HS6ST3: variants seen among roughly 807,000 people sequenced by gnomAD.
HS6ST3 encodes heparan sulfate 6-O-sulfotransferase 3.
A neutral mutation model predicts 36.7 loss-of-function variants in HS6ST3; 12 were observed. The observed-to-expected ratio is 0.33, with a 90% CI of 0.21 to 0.53. The LOEUF is 0.53. HS6ST3 is among the 20% of genes least tolerant of loss of function. The pLI is 0.95. For synonymous variants in HS6ST3, 240 were observed against 257.5 expected, an observed-to-expected ratio of 0.93 and a Z score of 0.65; for missense variants, 584 against 640.9, an observed-to-expected ratio of 0.91 and a Z score of 0.96.
chr13:96,310,272 G>A (rs1441347527), intron 1 of HS6ST3, among the ~76,000 whole-genome samples: 1 of 152,068 alleles, frequency 6.6e-6, no homozygotes, highest in Non-Finnish European at 1.5e-5. Context: ...ATCAAACAGA[G>A]AGCAATCTGC....
chr13:96,152,705 A>G (rs1018631246), intron 1 of HS6ST3, among the ~76,000 whole-genome samples: 2 of 151,764 alleles, frequency 1.3e-5, no homozygotes, highest in African/African-American at 4.8e-5. Flanking sequence ...CAATCCATTC[A>G]ATTTCTAAGG....
intron 1 of HS6ST3, among the ~76,000 whole-genome samples, chr13:96,470,041 A>G (rs1271859117): frequency 1.3e-5 from 2 of 152,154 alleles, no homozygotes; most frequent in Non-Finnish European, 2.9e-5. Flanking sequence ...TATTTGTTTG[A>G]TATATATTGA....
rs182160192 is a variant in HS6ST3 at position 96,650,491 on chromosome 13, G to A, written c.708-181999G>A. ...TCAAGGAATAAGGTACATTCTGAAC[G>A]AATGAGTCACTTTTGGGGTTTTTCT... On this transcript the variant is annotated intron_variant, in intron 1 of 1. Transcript: ENST00000376705. 3.6e-3 allele frequency among the ~76,000 whole-genome samples: 548 copies of A among 152,062 alleles called. 3 individuals carry two copies. The highest frequency in any genetic ancestry group is 5.7e-3 in the Non-Finnish European group (386 of 67,968).
intron 1 of HS6ST3, among the ~76,000 whole-genome samples, chr13:96,112,098 A>G (rs917958301): frequency 5.3e-5 from 8 of 152,192 alleles, no homozygotes; most frequent in Admixed American, 2.0e-4. Flanking sequence ...AGCTCGAAGT[A>G]TACATAAATA....
intron 1 of HS6ST3, among the ~76,000 whole-genome samples, chr13:96,369,344 G>A (rs1290373871): frequency 6.6e-6 from 1 of 152,086 alleles, no homozygotes; most frequent in African/African-American, 2.4e-5. Context: ...TCAAATCAAA[G>A]GATCACCCCC....
At chr13:96,830,902 A>G (rs1184244329) in intron 1 of HS6ST3, among the ~76,000 whole-genome samples, 1 of 152,196 alleles carries the variant, frequency 6.6e-6, no homozygotes, top group Non-Finnish European at 1.5e-5. Flanking sequence ...GGCTTGTGCT[A>G]AAGGACAAAA....
intron 1 of HS6ST3, among the ~76,000 whole-genome samples, chr13:96,262,285 A>G (rs1311906417): frequency 3.9e-5 from 6 of 152,210 alleles, no homozygotes; most frequent in South Asian, 2.1e-4. Context: ...TCTATGTTTA[A>G]AAGACTGTTA....
At chr13:96,129,516 T>C (rs1317097041) in intron 1 of HS6ST3, among the ~76,000 whole-genome samples, 1 of 152,222 alleles carries the variant, frequency 6.6e-6, no homozygotes, top group Non-Finnish European at 1.5e-5. Flanking sequence ...GGGATCTCTA[T>C]CTGTTAGTTT....
rs2054677112 is a variant in HS6ST3, at chr13:96,263,626, A to C, written c.707+172057A>C. ...TCAAGAAATGTGAACAAATTTTCAG[A>C]AAATGAGGATATTTTTAGTGCCCAT... On this transcript the variant is annotated intron_variant, in intron 1 of 1. Coordinates refer to ENST00000376705, the MANE Select transcript of HS6ST3 (RefSeq NM_153456.4). Among the ~76,000 whole-genome samples, 6 of 152,236 alleles carry C rather than the reference A, an allele frequency of 3.9e-5. No individual in the cohort carries two copies. In the South Asian group the frequency reaches 1.2e-3, roughly 31 times the overall value.
At position 96,443,879 on chromosome 13, in the gene HS6ST3, C is replaced by T. The variant is rs145284070; in HGVS notation, c.707+352310C>T. ...CTTAGTTCTAGTTATGGGGCAGATA[C>T]TGTGTCCTAGGTCTTGATATTGTCG... On this transcript the variant is annotated intron_variant, in intron 1 of 1. Coordinates refer to ENST00000376705, the MANE Select transcript of HS6ST3 (RefSeq NM_153456.4). Among the ~76,000 whole-genome samples the T allele has an allele frequency of 8.5e-5, 13 of 152,300 alleles. No individual in the cohort carries two copies. The East Asian group carries it at 2.3e-3, about 27-fold the overall frequency.
rs118047956 is a variant in HS6ST3, at chr13:96,463,732, T to A, written c.708-368758T>A. 7.8e-3 allele frequency among the ~76,000 whole-genome samples: 1,188 copies of A among 151,732 alleles called. 38 individuals carry two copies. The highest frequency in any genetic ancestry group is 0.046 in the Admixed American group (696 of 15,244). The stretch of plus-strand genomic sequence containing the variant: ...AGGCAGATTAAACAAAAGAACTTCC[T>A]CAAATCAGTAAGAAAAAGACAATTC... On this transcript the variant is annotated intron_variant, in intron 1 of 1. Transcript: ENST00000376705.
intron 1 of HS6ST3, among the ~76,000 whole-genome samples, chr13:96,141,350 T>C (rs1347921761): frequency 6.6e-6 from 1 of 151,596 alleles, no homozygotes; most frequent in East Asian, 1.9e-4. Context: ...AAGGACTTTT[T>C]TTTTCTCTTT....
At chr13:96,331,579 T>G (rs1357365100) in intron 1 of HS6ST3, among the ~76,000 whole-genome samples, 1 of 151,996 alleles carries the variant, frequency 6.6e-6, no homozygotes, top group African/African-American at 2.4e-5. Flanking sequence ...CACTGCTCTC[T>G]TCAAAGCTGT....
chr13:96,284,933 TTCTTTCTTTC>T (rs2054794233), intron 1 of HS6ST3, among the ~76,000 whole-genome samples: 2 of 140,332 alleles, frequency 1.4e-5, no homozygotes, highest in Non-Finnish European at 3.1e-5. Context: ...CTTTCTTTCT[TTCTTTCTTTC>T]TTTCTTTCTT....
At chr13:96,624,371 T>C (rs2056505177) in intron 1 of HS6ST3, among the ~76,000 whole-genome samples, 2 of 152,216 alleles carry the variant, frequency 1.3e-5, no homozygotes, top group South Asian at 4.1e-4. Context: ...ATAAACCATA[T>C]ATTTTTTTTA....
chr13:96,756,248 A>T (rs1876829264), intron 1 of HS6ST3, among the ~76,000 whole-genome samples: 1 of 152,154 alleles, frequency 6.6e-6, no homozygotes, highest in Admixed American at 6.6e-5. Flanking sequence ...TTGTTTATAT[A>T]TTCTGCATAC....
intron 1 of HS6ST3, among the ~76,000 whole-genome samples, chr13:96,618,680 C>CG (rs1248840458): frequency 6.6e-6 from 1 of 152,200 alleles, no homozygotes; most frequent in African/African-American, 2.4e-5. Flanking sequence ...CAATGCCTAA[C>CG]GCATGGAAGA....
intron 1 of HS6ST3, among the ~76,000 whole-genome samples, chr13:96,203,497 C>T (rs925569721): frequency 1.3e-5 from 2 of 152,202 alleles, no homozygotes; most frequent in East Asian, 1.9e-4. Flanking sequence ...GGGACATAAA[C>T]ATTCAGTCTA....
At chr13:96,238,917 C>G (rs1015383919) in intron 1 of HS6ST3, among the ~76,000 whole-genome samples, 4 of 152,162 alleles carry the variant, frequency 2.6e-5, no homozygotes, top group African/African-American at 7.2e-5. Context: ...CTGGGTGACA[C>G]AGCATAAGTG....
Sources: gnomAD v4.1 joint callset for allele counts (sites outside exome capture counted in the v4.1 genomes callset) on GRCh38, gnomAD v4.1.1 for gene constraint, MANE v1.5 for transcripts, NCBI Gene and HGNC (gene_info 2026-07-23, HGNC 2026-07-21) for gene names.